CFAP299: variants seen among roughly 807,000 people sequenced by gnomAD.
CFAP299 encodes the protein cilia and flagella associated protein 299.
CFAP299 carries 21 observed loss-of-function variants against 27.0 expected under a neutral mutation model. That is an observed-to-expected ratio of 0.78 (90% CI 0.55 to 1.12). CFAP299 has a LOEUF of 1.12. Ranked by LOEUF, CFAP299 falls within the 50% of genes most tolerant of loss-of-function variation. The pLI, the probability that CFAP299 is intolerant of heterozygous loss-of-function variation, is 0.00. For synonymous variants in CFAP299, 104 were observed against 98.1 expected, an observed-to-expected ratio of 1.06 and a Z score of -0.36; for missense variants, 310 against 276.6, an observed-to-expected ratio of 1.12 and a Z score of -0.86.
intron 3 of CFAP299, among the ~76,000 whole-genome samples, chr4:80,584,964 T>G (rs1368172760): frequency 6.6e-6 from 1 of 152,018 alleles, no homozygotes; most frequent in African/African-American, 2.4e-5. Context: ...ACAGGTGCTA[T>G]GGAGGAAAAA....
rs10027058 is a variant in CFAP299 at position 80,651,864 on chromosome 4, T to G, written c.333+68681T>G. 9.1e-4 allele frequency among the ~76,000 whole-genome samples: 138 copies of G among 152,160 alleles called. 1 individual carries two copies. Among genetic ancestry groups the G allele is most frequent in the African/African-American group, 3.3e-3 (136 of 41,518 alleles). On this transcript the variant is annotated intron_variant, in intron 3 of 5. Coordinates refer to ENST00000358105, the MANE Select transcript of CFAP299 (RefSeq NM_152770.3). ...CTGGGGCAAAGTCAAAGAGCTTATG[T>G]GAAGAGTTCACGTGTTTATGAATTA...
intron 1 of CFAP299, among the ~76,000 whole-genome samples, chr4:80,357,861 C>G (rs2109992698): frequency 6.6e-6 from 1 of 151,912 alleles, no homozygotes; most frequent in South Asian, 2.1e-4. Context: ...TTGGTTATTT[C>G]TTGTCTTCTG....
chr4:80,665,127 C>A (rs1741082657), intron 3 of CFAP299, among the ~76,000 whole-genome samples: 1 of 152,160 alleles, frequency 6.6e-6, no homozygotes, highest in Admixed American at 6.6e-5. Context: ...CACCTACCTT[C>A]TGCATTTGTC....
At chr4:80,862,871 A>G (rs1300479735) in intron 3 of CFAP299, among the ~76,000 whole-genome samples, 1 of 152,196 alleles carries the variant, frequency 6.6e-6, no homozygotes, top group East Asian at 1.9e-4. Context: ...AGCACAAAAC[A>G]TTCAGAAAAT....
At chr4:80,369,251 A>AT (rs141066422) in intron 2 of CFAP299, among the ~76,000 whole-genome samples, 3,443 of 152,322 alleles carry the variant, frequency 0.023, 129 homozygotes, top group African/African-American at 0.078. Flanking sequence ...ATCTTGTAAC[A>AT]TACAGATCTA....
At chr4:80,434,799 T>C (rs1727985491) in intron 2 of CFAP299, among the ~76,000 whole-genome samples, 2 of 152,190 alleles carry the variant, frequency 1.3e-5, no homozygotes, top group Admixed American at 1.3e-4. Flanking sequence ...ACACAGATAT[T>C]GGAGTCAGAA....
intron 4 of CFAP299, among the ~76,000 whole-genome samples, chr4:80,905,261 C>G (rs553941640): frequency 1.3e-5 from 2 of 152,134 alleles, no homozygotes; most frequent in Admixed American, 6.5e-5. Flanking sequence ...CCACTCCAGT[C>G]CATCAAGTTA....
In CFAP299 at chr4:80,569,076, A is replaced by G. The variant is rs139482783; in HGVS notation, c.243-14017A>G. On this transcript the variant is annotated intron_variant, in intron 2 of 5. Coordinates refer to ENST00000358105, the MANE Select transcript of CFAP299 (RefSeq NM_152770.3). The stretch of plus-strand genomic sequence containing the variant: ...AGCAACACTCCCTCTTTGTCTCCTC[A>G]GGCTTGAGGGTGAGAAGAGCTTCCT... 2.4e-3 allele frequency among the ~76,000 whole-genome samples: 364 copies of G among 152,164 alleles called. 3 individuals are homozygous for G. The highest frequency in any genetic ancestry group is 8.1e-3 in the African/African-American group (338 of 41,544).
At position 80,386,017 on chromosome 4, in the gene CFAP299, A is replaced by C. The variant is rs116837463; in HGVS notation, c.242+23133A>C. Among the ~76,000 whole-genome samples the C allele has an allele frequency of 7.9e-3, 1,198 of 152,358 alleles. 14 individuals carry two copies. Among genetic ancestry groups the C allele is most frequent in the African/African-American group, 0.027 (1,112 of 41,596 alleles). On this transcript the variant is annotated intron_variant, in intron 2 of 5. Coordinates refer to ENST00000358105, the MANE Select transcript of CFAP299 (RefSeq NM_152770.3). ...TTTCCAGCAGGAGAGGGGACACCGG[A>C]AGGCGGCCATGAGCCAAGGTTTATG...
At chr4:80,801,775 C>T (rs1451995054) in intron 3 of CFAP299, among the ~76,000 whole-genome samples, 3 of 152,204 alleles carry the variant, frequency 2.0e-5, no homozygotes, top group East Asian at 1.9e-4. Context: ...GGCAAATTTC[C>T]ATGCAAAACG....
intron 3 of CFAP299, among the ~76,000 whole-genome samples, chr4:80,751,226 G>C (rs539594505): frequency 3.3e-5 from 5 of 152,204 alleles, no homozygotes; most frequent in African/African-American, 1.2e-4. Flanking sequence ...AGGGCCTACT[G>C]ACCAGTTGCC....
chr4:80,625,240 G>T (rs1293354934), intron 3 of CFAP299, among the ~76,000 whole-genome samples: 1 of 151,912 alleles, frequency 6.6e-6, no homozygotes, highest in African/African-American at 2.4e-5. Context: ...TCAAAATGTG[G>T]TTTGGGGAGT....
chr4:80,872,859 G>C, intron 4 of CFAP299: 2 of 936,740 alleles, frequency 2.1e-6, no homozygotes, highest in Non-Finnish European at 2.5e-6. Context: ...TTTGGATATT[G>C]ATTAATCCTT....
intron 4 of CFAP299, among the ~76,000 whole-genome samples, chr4:80,940,057 C>A (rs1218408489): frequency 6.6e-6 from 1 of 152,162 alleles, no homozygotes; most frequent in Non-Finnish European, 1.5e-5. Flanking sequence ...TGAGTATTTG[C>A]TCGCACCATC....
intron 4 of CFAP299, among the ~76,000 whole-genome samples, chr4:80,884,469 A>G (rs1733871974): frequency 2.0e-5 from 3 of 152,196 alleles, no homozygotes; most frequent in Admixed American, 6.5e-5. Context: ...ACACATTTAA[A>G]TGGTAATACA....
intron 3 of CFAP299, among the ~76,000 whole-genome samples, chr4:80,855,737 C>T (rs11727327): frequency 0.63 from 96,039 of 152,094 alleles, 35,452 homozygotes; most frequent in Non-Finnish European, 0.81. Flanking sequence ...GACATGAACT[C>T]ATCATTTTTT....
intron 3 of CFAP299, among the ~76,000 whole-genome samples, chr4:80,684,512 G>T (rs781453729): frequency 1.3e-5 from 2 of 152,090 alleles, no homozygotes; most frequent in Admixed American, 6.5e-5. Context: ...TGATCCACCC[G>T]CCTCGGCCTC....
chr4:80,685,920 C>T (rs912700364), intron 3 of CFAP299, among the ~76,000 whole-genome samples: 3 of 152,162 alleles, frequency 2.0e-5, no homozygotes, highest in East Asian at 3.9e-4. Flanking sequence ...AATATGCCTG[C>T]CATGGGATCT....
At chr4:80,885,878 A>G (rs2110180857) in intron 4 of CFAP299, among the ~76,000 whole-genome samples, 1 of 152,236 alleles carries the variant, frequency 6.6e-6, no homozygotes, top group African/African-American at 2.4e-5. Context: ...ATCCACAGTG[A>G]GGTAGAGCAA....
Sources: allele counts gnomAD v4.1 joint callset (sites outside exome capture counted in the v4.1 genomes callset), GRCh38; gene constraint gnomAD v4.1.1; transcripts MANE v1.5; gene names NCBI Gene and HGNC (gene_info 2026-07-23, HGNC 2026-07-21).